The following ROR1 variants were observed in gnomAD, a reference collection of about 807,000 sequenced individuals.
The protein encoded by ROR1 is ROR family WNT receptor 1.
Under a neutral mutation model 78.8 loss-of-function variants are expected in ROR1, and 19 were observed. The observed-to-expected ratio is 0.24, with a 90% CI of 0.17 to 0.35. The LOEUF (loss-of-function observed/expected upper bound fraction) is 0.35, where lower values mean the gene tolerates loss of function less well. ROR1 is among the 10% of genes least tolerant of loss of function. The pLI, the probability that ROR1 is intolerant of heterozygous loss-of-function variation, is 1.00. For missense variants in ROR1, 917 were observed against 1,177.8 expected (o/e 0.78, Z 3.24); for synonymous variants, 386 against 433.6 (o/e 0.89, Z 1.36).
chr1:63,961,809 A>C (rs1646031768), intron 1 of ROR1, among the ~76,000 whole-genome samples: 1 of 152,194 alleles, frequency 6.6e-6, no homozygotes, highest in South Asian at 2.1e-4. Flanking sequence ...AGAACAGCTT[A>C]GTGTACATTT....
At chr1:64,137,314 T>G in intron 4 of ROR1, 55 bp from the exon 5 acceptor site, 1 of 1,603,508 alleles carries the variant, frequency 6.2e-7, no homozygotes, top group Non-Finnish European at 8.5e-7. Context: ...CAGAGCTTGC[T>G]GTGCCCTGTA....
chr1:64,075,726 G>T (rs183938560), intron 4 of ROR1, among the ~76,000 whole-genome samples: 1 of 152,186 alleles, frequency 6.6e-6, no homozygotes, highest in East Asian at 1.9e-4. Flanking sequence ...GTATCAACTT[G>T]CTCTTGCTTC....
chr1:63,893,066 G>A (rs1035004188), intron 1 of ROR1, among the ~76,000 whole-genome samples: 1 of 152,176 alleles, frequency 6.6e-6, no homozygotes, highest in Non-Finnish European at 1.5e-5. Context: ...AGAGGGTGCG[G>A]TTTCCCTGTC....
intron 1 of ROR1, among the ~76,000 whole-genome samples, chr1:63,863,999 A>G (rs1645199778): frequency 6.6e-6 from 1 of 152,194 alleles, no homozygotes; most frequent in South Asian, 2.1e-4. Context: ...AAAAAGGACC[A>G]TAGCATAATA....
chr1:64,079,483 C>T (rs74882034), intron 4 of ROR1, among the ~76,000 whole-genome samples: 21,355 of 132,632 alleles, frequency 0.16, 1,657 homozygotes, highest in Middle Eastern at 0.21. Context: ...TTTTTTTTTT[C>T]TTTTTTGGAG....
At chr1:64,012,384 G>A (rs1265045525) in intron 2 of ROR1, among the ~76,000 whole-genome samples, 7 of 152,178 alleles carry the variant, frequency 4.6e-5, no homozygotes, top group Non-Finnish European at 7.3e-5. Context: ...ACATGTGGGA[G>A]TGGGGTTGAG....
At chr1:63,927,518 G>T (rs945409230) in intron 1 of ROR1, among the ~76,000 whole-genome samples, 1 of 149,078 alleles carries the variant, frequency 6.7e-6, no homozygotes, top group Non-Finnish European at 1.5e-5. Context: ...AATGATGCTG[G>T]CCTCATAAAA....
intron 8 of ROR1, among the ~76,000 whole-genome samples, chr1:64,175,138 T>C (rs1202415790): frequency 5.9e-5 from 9 of 151,900 alleles, no homozygotes. Context: ...TCTGCCCCCC[T>C]TTTTCTAGTT....
intron 1 of ROR1, among the ~76,000 whole-genome samples, chr1:63,957,847 A>G (rs1645996385): frequency 6.6e-6 from 1 of 150,932 alleles, no homozygotes; most frequent in South Asian, 2.1e-4. Flanking sequence ...GGTTCAAATG[A>G]TTCTCCTGCC....
chr1:64,007,077 G>A (rs1646433784), intron 1 of ROR1, among the ~76,000 whole-genome samples: 1 of 152,130 alleles, frequency 6.6e-6, no homozygotes, highest in Non-Finnish European at 1.5e-5. Flanking sequence ...GTCAGCATGG[G>A]CTGCCAGAAG....
chr1:63,956,438 AG>A (rs1245223232), intron 1 of ROR1, among the ~76,000 whole-genome samples: 1 of 152,190 alleles, frequency 6.6e-6, no homozygotes, highest in Non-Finnish European at 1.5e-5. Context: ...GCTAACTCGT[AG>A]GGTCATTGAG....
chr1:63,799,576 T>G (rs950630244), intron 1 of ROR1, among the ~76,000 whole-genome samples: 7 of 152,212 alleles, frequency 4.6e-5, no homozygotes, highest in Non-Finnish European at 8.8e-5. Flanking sequence ...TCCTTCAAAT[T>G]GGAAATGGAT....
chr1:63,948,335 ATTT>A (rs751698222), intron 1 of ROR1, among the ~76,000 whole-genome samples: 1 of 142,766 alleles, frequency 7.0e-6, no homozygotes, highest in Non-Finnish European at 1.5e-5. Context: ...TTGTGGTCCA[ATTT>A]TTTTTTTTTT....
chr1:63,803,863 C>T (rs1474261959), intron 1 of ROR1, among the ~76,000 whole-genome samples: 1 of 152,090 alleles, frequency 6.6e-6, no homozygotes, highest in Non-Finnish European at 1.5e-5. Context: ...AATACTACTT[C>T]ACAATAAAAA....
intron 1 of ROR1, among the ~76,000 whole-genome samples, chr1:63,946,877 A>G (rs141278472): frequency 2.6e-5 from 4 of 152,284 alleles, no homozygotes; most frequent in Non-Finnish European, 4.4e-5. Flanking sequence ...ATACCACCAC[A>G]TGCCTGGCTC....
chr1:64,168,842 C>T (rs1226603782), intron 8 of ROR1, among the ~76,000 whole-genome samples: 1 of 152,210 alleles, frequency 6.6e-6, no homozygotes, highest in Non-Finnish European at 1.5e-5. Context: ...AGAGAAGGGA[C>T]CCAGATCACT....
At chr1:63,971,125 T>C (rs937990904) in intron 1 of ROR1, among the ~76,000 whole-genome samples, 2 of 152,192 alleles carry the variant, frequency 1.3e-5, no homozygotes, top group Non-Finnish European at 2.9e-5. Context: ...TAGATGTTCA[T>C]GCTGTTCATG....
At chr1:63,956,535 A>G (rs1645983472) in intron 1 of ROR1, among the ~76,000 whole-genome samples, 1 of 152,126 alleles carries the variant, frequency 6.6e-6, no homozygotes, top group African/African-American at 2.4e-5. Flanking sequence ...GTTATTTATT[A>G]TCAGCTGGAC....
intron 4 of ROR1, among the ~76,000 whole-genome samples, chr1:64,078,219 C>A (rs1647068441): frequency 6.6e-6 from 1 of 152,168 alleles, no homozygotes; most frequent in African/African-American, 2.4e-5. Flanking sequence ...CTCTTCCTAT[C>A]TCTCTGGGAA....
Sources: gnomAD v4.1 joint callset for allele counts (sites outside exome capture counted in the v4.1 genomes callset) on GRCh38, gnomAD v4.1.1 for gene constraint, MANE v1.5 for transcripts, NCBI Gene and HGNC (gene_info 2026-07-23, HGNC 2026-07-21) for gene names.